TSGA10: variants seen among roughly 807,000 people sequenced by gnomAD.
The protein encoded by TSGA10 is testis-specific gene 10 protein.
Under a neutral mutation model 96.6 loss-of-function variants are expected in TSGA10, and 43 were observed. The observed-to-expected ratio is 0.44, with a 90% CI of 0.35 to 0.57. TSGA10 has a LOEUF of 0.57. Among genes scored for constraint, TSGA10 ranks in the 20% least tolerant of loss-of-function variants. The probability of loss-of-function intolerance (pLI) is 0.01; values close to 1 mark genes in which losing one functional copy is unlikely to be tolerated. For missense variants in TSGA10, 703 were observed against 834.4 expected, an observed-to-expected ratio of 0.84 and a Z score of 1.94; for synonymous variants, 229 against 269.9, an observed-to-expected ratio of 0.85 and a Z score of 1.48.
intron 2 of TSGA10, among the ~76,000 whole-genome samples, chr2:99,122,150 G>T (rs900872698): frequency 6.6e-6 from 1 of 152,116 alleles, no homozygotes; most frequent in African/African-American, 2.4e-5. Context: ...CAATATCACA[G>T]TCTTGATTAC....
intron 1 of TSGA10, among the ~76,000 whole-genome samples, chr2:99,143,536 T>C (rs1489900979): frequency 6.6e-6 from 1 of 151,718 alleles, no homozygotes; most frequent in Non-Finnish European, 1.5e-5. Context: ...GTTGGCATGA[T>C]CTCAGCTCAC....
At chr2:99,044,692 A>C (rs1400171748) in intron 16 of TSGA10, among the ~76,000 whole-genome samples, 1 of 151,812 alleles carries the variant, frequency 6.6e-6, no homozygotes, top group Non-Finnish European at 1.5e-5. Flanking sequence ...CCAGGCAGAC[A>C]ACAGAACTCT....
intron 15 of TSGA10, among the ~76,000 whole-genome samples, chr2:99,067,169 C>T (rs2085351256): frequency 6.6e-6 from 1 of 152,170 alleles, no homozygotes; most frequent in South Asian, 2.1e-4. Flanking sequence ...CACTGCCTGG[C>T]AGTCATTCTG....
At chr2:99,020,683 A>G (rs549558609) in intron 17 of TSGA10, among the ~76,000 whole-genome samples, 4 of 152,278 alleles carry the variant, frequency 2.6e-5, no homozygotes, top group East Asian at 3.9e-4. Flanking sequence ...CTCTCTGATC[A>G]TATCAGAAAA....
intron 17 of TSGA10, among the ~76,000 whole-genome samples, chr2:99,022,732 T>C (rs1282292009): frequency 6.6e-6 from 1 of 152,180 alleles, no homozygotes; most frequent in Non-Finnish European, 1.5e-5. Flanking sequence ...TGTAAGGCAA[T>C]CTAATTTTTA....
Position 99,079,626 on chromosome 2 carries a change from T to C in TSGA10, c.728-813A>G, listed in dbSNP as rs147170999. ...AGAGGAGTTTACCTACTCTAGGTATTAGATTTACCTACAGAAACTGTTAGA... is the reference window on the plus strand; with the variant it reads ...AGAGGAGTTTACCTACTCTAGGTATCAGATTTACCTACAGAAACTGTTAGA... On this transcript the variant is annotated intron_variant, in intron 11 of 20. Coordinates refer to ENST00000393483, the MANE Select transcript of TSGA10 (RefSeq NM_025244.4). Among the ~76,000 whole-genome samples the C allele has an allele frequency of 2.4e-3, 372 of 152,290 alleles. 4 individuals are homozygous for C. Among genetic ancestry groups the C allele is most frequent in the East Asian group, 0.014 (75 of 5,188 alleles).
intron 1 of TSGA10, among the ~76,000 whole-genome samples, chr2:99,137,836 G>A (rs917712701): frequency 6.0e-5 from 9 of 150,208 alleles, no homozygotes; most frequent in South Asian, 2.1e-4. Flanking sequence ...GCAGTGAGCC[G>A]AGATCGTGTC....
intron 1 of TSGA10, chr2:99,141,229 C>G: frequency 9.5e-7 from 1 of 1,054,966 alleles, no homozygotes; most frequent in Admixed American, 4.0e-5. Flanking sequence ...TTCCCACCCC[C>G]AAATCGTCCT....
At chr2:99,086,556 ACACTCAG>A (rs1384865104) in intron 10 of TSGA10, among the ~76,000 whole-genome samples, 1 of 152,248 alleles carries the variant, frequency 6.6e-6, no homozygotes, top group Non-Finnish European at 1.5e-5. Context: ...CTTAATAAGA[ACACTCAG>A]CAAATTACAA....
intron 10 of TSGA10, among the ~76,000 whole-genome samples, chr2:99,092,111 G>T (rs1230167314): frequency 6.6e-6 from 1 of 152,030 alleles, no homozygotes; most frequent in Non-Finnish European, 1.5e-5. Context: ...AATAAAATTG[G>T]AAATCAACTC....
At chr2:99,066,051 TGTTAATAA>T (rs1471862105) in intron 15 of TSGA10, among the ~76,000 whole-genome samples, 1 of 152,228 alleles carries the variant, frequency 6.6e-6, no homozygotes, top group Non-Finnish European at 1.5e-5. Flanking sequence ...CTTTCTCTCC[TGTTAATAA>T]ATAGTGCACG....
At chr2:99,085,609 T>TAAAAA (rs200309936) in intron 10 of TSGA10, among the ~76,000 whole-genome samples, 6 of 52,470 alleles carry the variant, frequency 1.1e-4, no homozygotes, top group African/African-American at 7.1e-4. Flanking sequence ...ATCCTGTCTT[T>TAAAAA]AAAAAAAAAA....
chr2:99,003,328 T>C (rs1329063434), intron 20 of TSGA10, among the ~76,000 whole-genome samples: 1 of 152,152 alleles, frequency 6.6e-6, no homozygotes, highest in African/African-American at 2.4e-5. Context: ...CAAAGAGACT[T>C]AGACTCCCAC....
At chr2:99,128,880 T>C (rs1282318386) in intron 1 of TSGA10, among the ~76,000 whole-genome samples, 1 of 152,128 alleles carries the variant, frequency 6.6e-6, no homozygotes, top group African/African-American at 2.4e-5. Flanking sequence ...CCCAAATAGC[T>C]GGGAACACAG....
At position 99,035,687 on chromosome 2, in the gene TSGA10, G is replaced by GA. The variant is rs200072344; in HGVS notation, c.1405-249dup. 5.8e-4 allele frequency among the ~76,000 whole-genome samples: 85 copies of GA among 146,414 alleles called. 1 individual carries two copies. The East Asian group carries it at 0.013, about 22-fold the overall frequency. On this transcript the variant is annotated intron_variant, in intron 16 of 20. Transcript: ENST00000393483. ...TGGTCATTCTTTTTAATGTACTTAGGAAAAAAAAACCTTTCCCACTTAAAA... is the reference window on the plus strand; with the variant it reads ...TGGTCATTCTTTTTAATGTACTTAGGAAAAAAAAAACCTTTCCCACTTAAAA...
chr2:99,120,465 A>G (rs549830394), intron 2 of TSGA10, among the ~76,000 whole-genome samples: 3 of 152,300 alleles, frequency 2.0e-5, no homozygotes, highest in East Asian at 3.9e-4. Context: ...AAGAAAAAAA[A>G]TAAATGAGAG....
At chr2:99,049,175 TTCC>T (rs1354225256) in intron 16 of TSGA10, among the ~76,000 whole-genome samples, 4 of 152,184 alleles carry the variant, frequency 2.6e-5, no homozygotes, top group African/African-American at 9.7e-5. Flanking sequence ...AGTGTGGTGA[TTCC>T]TCAAGGATTT....
chr2:99,092,932 C>T (rs2089523115), intron 10 of TSGA10, among the ~76,000 whole-genome samples: 1 of 151,984 alleles, frequency 6.6e-6, no homozygotes, highest in African/African-American at 2.4e-5. Context: ...ATACCAAAAC[C>T]AGGAAAGGAC....
chr2:99,049,479 A>G (rs185265717), intron 16 of TSGA10, among the ~76,000 whole-genome samples: 59 of 152,262 alleles, frequency 3.9e-4, no homozygotes, highest in African/African-American at 1.3e-3. Context: ...CTAACACAAG[A>G]ACAGAAAACC....
Sources: allele counts gnomAD v4.1 joint callset (sites outside exome capture counted in the v4.1 genomes callset), GRCh38; gene constraint gnomAD v4.1.1; transcripts MANE v1.5; gene names NCBI Gene and HGNC (gene_info 2026-07-23, HGNC 2026-07-21).